The following KIF20B variants were observed in gnomAD, a reference collection of about 807,000 sequenced individuals.
KIF20B encodes the protein kinesin family member 20B, also known as kinesin-like protein KIF20B.
A neutral mutation model predicts 232.5 loss-of-function variants in KIF20B; 188 were observed. That is an observed-to-expected ratio of 0.81 (90% confidence interval 0.72 to 0.91). KIF20B has a LOEUF of 0.91. KIF20B is among the 40% of genes least tolerant of loss of function. KIF20B has a pLI of 0.00. For synonymous variants in KIF20B, 712 were observed against 683.0 expected, an observed-to-expected ratio of 1.04 and a Z score of -0.66; for missense variants, 2,154 against 2,055.9, an observed-to-expected ratio of 1.05 and a Z score of -0.92.
At chr10:89,752,501 A>T (rs780655904) in intron 24 of KIF20B, 66 bp from the exon 25 acceptor site, 1 of 1,207,154 alleles carries the variant, frequency 8.3e-7, no homozygotes, top group Non-Finnish European at 1.1e-6. Flanking sequence ...GCCCATGTCA[A>T]GTGTATCTCT....
At chr10:89,727,926 T>A (rs1423769712) in intron 17 of KIF20B, 30 bp downstream of exon 17, 1 of 1,518,716 alleles carries the variant, frequency 6.6e-7, no homozygotes, top group East Asian at 2.3e-5. Flanking sequence ...TTTGTCTTGA[T>A]AAGGTATTTA....
chr10:89,711,231 T>C (rs533393530), intron 6 of KIF20B, 86 bp downstream of exon 6: 4 of 760,948 alleles, frequency 5.3e-6, no homozygotes, highest in South Asian at 7.5e-5. Flanking sequence ...TATTGGAATC[T>C]GGTTTGTGGT....
intron 8 of KIF20B, 27 bp downstream of exon 8, chr10:89,715,209 T>C (rs1163199735): frequency 9.1e-6 from 13 of 1,433,784 alleles, no homozygotes; most frequent in Admixed American, 3.7e-5. Flanking sequence ...TTTTATCTTA[T>C]TGCTCTGAAG....
At chr10:89,719,862 A>G (rs1226575926) in intron 13 of KIF20B, among the ~76,000 whole-genome samples, 156 bp downstream of exon 13, 5 of 152,178 alleles carry the variant, frequency 3.3e-5, no homozygotes, top group Non-Finnish European at 5.9e-5. Context: ...TAGAAAGACT[A>G]GTACAATGAA....
Position 89,737,568 on chromosome 10 carries a change from TAAAC to T in KIF20B, c.2729_2732del (p.Lys910ArgfsTer17), listed in dbSNP as rs1462678349. The T allele has an allele frequency of 6.2e-7, 1 of 1,606,908 alleles. No individual in the cohort carries two copies. On this transcript the variant is annotated frameshift_variant, in exon 20 of 33. Coordinates refer to ENST00000371728, the MANE Select transcript of KIF20B (RefSeq NM_001284259.2). LOFTEE classifies it high-confidence loss of function. ...AAAAGGAAGAAAAAGCAGAATTAAATAAACAGATTGTTCATTTTCAGCAGGAACT... is the reference window on the plus strand; with the variant it reads ...AAAAGGAAGAAAAAGCAGAATTAAATAGATTGTTCATTTTCAGCAGGAACT...
rs745592820 is a variant in KIF20B at position 89,717,404 on chromosome 10, A to G, written c.1053-20A>G. ...CAGAAATTAAAAATGATAAGATAAC[A>G]TTTGATCTTTGTATTTCAGTCACAG... On this transcript the variant is annotated intron_variant, in intron 9 of 32. Coordinates refer to ENST00000371728, the MANE Select transcript of KIF20B (RefSeq NM_001284259.2). The G allele has an allele frequency of 2.1e-6, 3 of 1,447,712 alleles. No homozygotes were observed. In the African/African-American group the frequency reaches 4.2e-5, roughly 20 times the overall value. 89.7% of individuals were successfully genotyped at this position (1,447,712 alleles called of 1,614,324 possible).
At chr10:89,767,631 G>T (rs1842390525) in intron 29 of KIF20B, among the ~76,000 whole-genome samples, 1 of 152,038 alleles carries the variant, frequency 6.6e-6, no homozygotes, top group Admixed American at 6.6e-5. Context: ...GAGTATATCT[G>T]TAAAGGGCTT....
chr10:89,736,650 AG>A (rs1841660629), intron 19 of KIF20B, among the ~76,000 whole-genome samples: 1 of 152,164 alleles, frequency 6.6e-6, no homozygotes, highest in Non-Finnish European at 1.5e-5. Context: ...AGCCTGAAAA[AG>A]GCAAACTTTT....
chr10:89,718,680 T>TA (rs781701192), intron 11 of KIF20B, 30 bp from the exon 12 acceptor site: 16 of 1,570,218 alleles, frequency 1.0e-5, no homozygotes, highest in Non-Finnish European at 1.3e-5. Context: ...TTTTTTAACT[T>TA]ACAATGTTTT....
intron 19 of KIF20B, among the ~76,000 whole-genome samples, chr10:89,735,325 T>A (rs1205765848): frequency 6.6e-6 from 1 of 152,170 alleles, no homozygotes; most frequent in Non-Finnish European, 1.5e-5. Context: ...TTAGGATTAT[T>A]ATTCTATTTA....
chr10:89,731,682 A>G (rs913732120), intron 18 of KIF20B, among the ~76,000 whole-genome samples: 1 of 152,102 alleles, frequency 6.6e-6, no homozygotes, highest in Non-Finnish European at 1.5e-5. Flanking sequence ...AAATGACGGG[A>G]TCATTCTGAT....
rs1842523367 is a variant in KIF20B, at chr10:89,774,175, A to G, written c.*127A>G. 4.4e-6 allele frequency: 2 copies of G among 451,378 alleles called. No homozygotes were observed. Among genetic ancestry groups the G allele is most frequent in the African/African-American group, 2.0e-5 (1 of 49,002 alleles). The allele number at this position is 451,378 out of a possible 1,614,324, so 28.0% of individuals were successfully genotyped here. A position where few individuals can be genotyped will look rare whatever the true frequency, so the allele number is the denominator to read the frequency against. On this transcript the variant is annotated 3_prime_UTR_variant, in exon 33 of 33. Transcript: ENST00000371728. ...CTGCATATAGATTGCTGTTTTATAC[A>G]TAGTATAATTTTAATTCAATAAATG...
At chr10:89,710,107 A>C (rs143233819) in intron 5 of KIF20B, 42 bp downstream of exon 5, 6 of 1,542,186 alleles carry the variant, frequency 3.9e-6, no homozygotes, top group Non-Finnish European at 4.4e-6. Context: ...TAAGGAAGCA[A>C]TAATAATCAC....
At chr10:89,705,803 A>T (rs1033363045) in intron 2 of KIF20B, among the ~76,000 whole-genome samples, 14 of 152,160 alleles carry the variant, frequency 9.2e-5, no homozygotes, top group African/African-American at 3.4e-4. Context: ...GAGAAAATTT[A>T]TTGACTCCTG....
In KIF20B at chr10:89,745,777, G is replaced by T. The variant is rs928018790; in HGVS notation, c.4036-122G>T. 3 of 651,114 alleles carry T rather than the reference G, an allele frequency of 4.6e-6. No individual in the cohort carries two copies. The South Asian group carries it at 5.3e-5, about 11-fold the overall frequency. 40.3% of individuals were successfully genotyped at this position (651,114 alleles called of 1,614,324 possible). On this transcript the variant is annotated intron_variant, in intron 22 of 32. Transcript: ENST00000371728. ...GGAAGCTTGAGACTGGTACCAGCTG[G>T]TATACCAGCTATATAGGAGACTGAT...
intron 13 of KIF20B, among the ~76,000 whole-genome samples, chr10:89,720,271 CTGCAATTTAGATTTG>C (rs1322491554): frequency 5.9e-5 from 9 of 151,994 alleles, no homozygotes; most frequent in Admixed American, 5.2e-4. Flanking sequence ...CATAGAATAC[CTGCAATTTAGATTTG>C]TTTGATTATT....
chr10:89,769,080 G>C (rs1842418815), intron 31 of KIF20B, among the ~76,000 whole-genome samples, 192 bp downstream of exon 31: 1 of 151,978 alleles, frequency 6.6e-6, no homozygotes, highest in Non-Finnish European at 1.5e-5. Context: ...TAGTAGAAGA[G>C]AAAGGCTTGT....
intron 23 of KIF20B, among the ~76,000 whole-genome samples, chr10:89,748,322 T>C (rs1255124656): frequency 6.6e-6 from 1 of 152,186 alleles, no homozygotes; most frequent in Non-Finnish European, 1.5e-5. Context: ...AAAATTTCTT[T>C]TATAGATGAT....
At chr10:89,749,000 AAGT>A (rs1841974200) in intron 23 of KIF20B, among the ~76,000 whole-genome samples, 1 of 152,134 alleles carries the variant, frequency 6.6e-6, no homozygotes, top group African/African-American at 2.4e-5. Flanking sequence ...TATATTTATA[AAGT>A]AGTATTTATT....
Sources: allele counts gnomAD v4.1 joint callset (sites outside exome capture counted in the v4.1 genomes callset), GRCh38; gene constraint gnomAD v4.1.1; transcripts MANE v1.5; gene names NCBI Gene and HGNC (gene_info 2026-07-23, HGNC 2026-07-21).